Variants in CHCHD6 observed in about 807,000 individuals in gnomAD.
CHCHD6 encodes the protein MICOS complex subunit MIC25.
A neutral mutation model predicts 32.3 loss-of-function variants in CHCHD6; 28 were observed. That is an observed-to-expected ratio of 0.87 (90% CI 0.64 to 1.19). The LOEUF (loss-of-function observed/expected upper bound fraction) is 1.19, where lower values mean the gene tolerates loss of function less well. Ranked by LOEUF, CHCHD6 falls within the 50% of genes most tolerant of loss-of-function variation. The probability of loss-of-function intolerance (pLI) is 0.00; values close to 1 mark genes in which losing one functional copy is unlikely to be tolerated. For synonymous variants in CHCHD6, 122 were observed against 117.5 expected, an observed-to-expected ratio of 1.04 and a Z score of -0.25; for missense variants, 333 against 307.0, an observed-to-expected ratio of 1.08 and a Z score of -0.63.
At chr3:126,727,303 A>G in intron 2 of CHCHD6, 117 bp downstream of exon 2, 5 of 626,870 alleles carry the variant, frequency 8.0e-6, no homozygotes, top group Non-Finnish European at 1.4e-5. Context: ...GATGACGTTA[A>G]GCAGCTCTGT....
chr3:126,910,019 A>G (rs1159173936), intron 5 of CHCHD6, among the ~76,000 whole-genome samples: 2 of 152,218 alleles, frequency 1.3e-5, no homozygotes, highest in Admixed American at 6.5e-5. Context: ...AGTCACGCCT[A>G]TAATCCCAAC....
At chr3:126,847,720 C>T (rs1442215289) in intron 4 of CHCHD6, among the ~76,000 whole-genome samples, 1 of 151,992 alleles carries the variant, frequency 6.6e-6, no homozygotes, top group Non-Finnish European at 1.5e-5. Context: ...TTGGTCTTTT[C>T]TGTTTACCAT....
chr3:126,915,414 C>T (rs1017801553), intron 6 of CHCHD6, among the ~76,000 whole-genome samples: 2 of 152,204 alleles, frequency 1.3e-5, no homozygotes, highest in Non-Finnish European at 2.9e-5. Context: ...GTCAATAGTA[C>T]AGTTCCCTGG....
At chr3:126,918,441 C>G (rs1297647309) in intron 6 of CHCHD6, among the ~76,000 whole-genome samples, 2 of 152,230 alleles carry the variant, frequency 1.3e-5, no homozygotes, top group South Asian at 2.1e-4. Context: ...CAGCTGCAGT[C>G]CCTGCCAGCA....
chr3:126,737,390 G>GTGTATATA (rs755051777), intron 4 of CHCHD6, among the ~76,000 whole-genome samples: 2,224 of 132,600 alleles, frequency 0.017, 69 homozygotes, highest in African/African-American at 0.055. Flanking sequence ...TGATGTGTGA[G>GTGTATATA]TATATATATA....
At chr3:126,786,492 G>T (rs1576414078) in intron 4 of CHCHD6, among the ~76,000 whole-genome samples, 1 of 152,222 alleles carries the variant, frequency 6.6e-6, no homozygotes. Context: ...AGCACCTGTT[G>T]TTTCCTGACT....
intron 4 of CHCHD6, among the ~76,000 whole-genome samples, chr3:126,798,074 A>G (rs1006563930): frequency 5.9e-5 from 9 of 152,130 alleles, no homozygotes; most frequent in African/African-American, 2.2e-4. Flanking sequence ...TTTGCTTCAC[A>G]GTTTGAAGCA....
chr3:126,887,867 G>T (rs1227302182), intron 5 of CHCHD6, among the ~76,000 whole-genome samples: 2 of 152,196 alleles, frequency 1.3e-5, no homozygotes, highest in African/African-American at 2.4e-5. Flanking sequence ...CTGGAGCCTG[G>T]CCAGAGTATG....
chr3:126,828,159 CTG>C (rs1261755128), intron 4 of CHCHD6, among the ~76,000 whole-genome samples: 2 of 152,208 alleles, frequency 1.3e-5, no homozygotes, highest in Non-Finnish European at 2.9e-5. Context: ...TCTTTGAAGA[CTG>C]TGTGTTTTCC....
chr3:126,947,342 G>A (rs2107605964), intron 6 of CHCHD6, among the ~76,000 whole-genome samples: 1 of 152,370 alleles, frequency 6.6e-6, no homozygotes, highest in East Asian at 1.9e-4. Flanking sequence ...CTTCCCGGCT[G>A]CCCAATGGGA....
intron 3 of CHCHD6, among the ~76,000 whole-genome samples, chr3:126,731,626 AT>A (rs1204621259): frequency 6.6e-6 from 1 of 152,164 alleles, no homozygotes; most frequent in Non-Finnish European, 1.5e-5. Context: ...TGCCCTCAGT[AT>A]GGTCAGAGGA....
At chr3:126,862,041 C>T (rs1576511222) in intron 5 of CHCHD6, among the ~76,000 whole-genome samples, 1 of 59,128 alleles carries the variant, frequency 1.7e-5, no homozygotes, top group South Asian at 8.6e-4. Flanking sequence ...CCTCCCCCTC[C>T]TCCACCATCA....
intron 4 of CHCHD6, among the ~76,000 whole-genome samples, chr3:126,826,045 A>G (rs75813827): frequency 0.01 from 1,553 of 152,316 alleles, 29 homozygotes; most frequent in African/African-American, 0.035. Flanking sequence ...TAGACCTGCT[A>G]ATAAAAATAC....
chr3:126,892,640 C>G (rs1219043483), intron 5 of CHCHD6, among the ~76,000 whole-genome samples: 1 of 152,214 alleles, frequency 6.6e-6, no homozygotes, highest in Non-Finnish European at 1.5e-5. Context: ...TACTGCTTTC[C>G]TTCTCTGCAT....
intron 1 of CHCHD6, among the ~76,000 whole-genome samples, chr3:126,725,508 A>G (rs1366116219): frequency 6.6e-6 from 1 of 152,244 alleles, no homozygotes; most frequent in African/African-American, 2.4e-5. Flanking sequence ...TAGAGTTTTC[A>G]GAAGGCTAAA....
In CHCHD6 at chr3:126,727,090, G is replaced by A. The variant is rs144601524; in HGVS notation, c.100G>A (p.Val34Met). 22 of 1,613,288 alleles carry A rather than the reference G, an allele frequency of 1.4e-5. No individual in the cohort carries two copies. The highest frequency in any genetic ancestry group is 1.6e-4 in the Middle Eastern group (1 of 6,084). The change falls in exon 2 of 8, where the codon GTG (valine) becomes ATG (methionine). Residue 34 changes from valine to methionine, a missense_variant. Physicochemically the swap from Val to Met is conservative, Grantham distance 21. Transcript: ENST00000290913. The stretch of plus-strand genomic sequence containing the variant: ...TCTGCTTCCTTAGCTGTCTGAAAAC[G>A]TGGTGAACCGCATGAAGGAGCCCAG... ...VLQGVRLSEN[V>M]VNRMKEPSSP...
Position 126,924,494 on chromosome 3 carries a change from G to A in CHCHD6, c.566+9744G>A, listed in dbSNP as rs767456173. ...CAAGGAAAGGAACAATAATGACTTG[G>A]GCCAGGGGTGAGGGAGGTTCCCAGT... On this transcript the variant is annotated intron_variant, in intron 6 of 7. Coordinates refer to ENST00000290913, the MANE Select transcript of CHCHD6 (RefSeq NM_032343.3). Among the ~76,000 whole-genome samples the A allele has an allele frequency of 5.9e-4, 90 of 152,288 alleles. 1 individual carries two copies. The highest frequency in any genetic ancestry group is 1.2e-3 in the Non-Finnish European group (82 of 68,020).
chr3:126,891,594 G>GGAGAT (rs2077760442), intron 5 of CHCHD6, among the ~76,000 whole-genome samples: 1 of 152,158 alleles, frequency 6.6e-6, no homozygotes, highest in Non-Finnish European at 1.5e-5. Flanking sequence ...CCTTGAGGAG[G>GGAGAT]GTAAGCCAGT....
chr3:126,752,673 G>T (rs1936774488), intron 4 of CHCHD6, among the ~76,000 whole-genome samples: 1 of 152,172 alleles, frequency 6.6e-6, no homozygotes, highest in South Asian at 2.1e-4. Flanking sequence ...TGGGGGACAG[G>T]TTGACCAGGT....
Sources: gnomAD v4.1 joint callset for allele counts (sites outside exome capture counted in the v4.1 genomes callset) on GRCh38, gnomAD v4.1.1 for gene constraint, MANE v1.5 for transcripts, NCBI Gene and HGNC (gene_info 2026-07-23, HGNC 2026-07-21) for gene names.